Variants in LRRFIP2 observed in about 807,000 individuals in gnomAD.
LRRFIP2 encodes the protein leucine-rich repeat flightless-interacting protein 2.
LRRFIP2 carries 109 observed loss-of-function variants against 125.9 expected under a neutral mutation model. The observed-to-expected ratio is 0.87, with a 90% CI of 0.74 to 1.01. The LOEUF (loss-of-function observed/expected upper bound fraction) is 1.01, where lower values mean the gene tolerates loss of function less well. Ranked by LOEUF, LRRFIP2 falls within the 50% of genes least tolerant of loss-of-function variation. The pLI is 0.00. For synonymous variants in LRRFIP2, 291 were observed against 293.1 expected, an observed-to-expected ratio of 0.99 and a Z score of 0.07; for missense variants, 850 against 862.3, an observed-to-expected ratio of 0.99 and a Z score of 0.18.
chr3:37,054,787 G>T (rs978105566), intron 26 of LRRFIP2, among the ~76,000 whole-genome samples: 9 of 152,210 alleles, frequency 5.9e-5, no homozygotes, highest in African/African-American at 1.9e-4. Flanking sequence ...AGCAATATAG[G>T]AAGAGACACT....
At chr3:37,054,337 C>T (rs1483506609) in intron 27 of LRRFIP2, 74 bp downstream of exon 27, 1 of 1,241,528 alleles carries the variant, frequency 8.1e-7, no homozygotes, top group South Asian at 1.3e-5. Flanking sequence ...ATTTCTTACA[C>T]AGCTAAGAAT....
At chr3:37,126,943 C>T (rs2095299177) in intron 4 of LRRFIP2, among the ~76,000 whole-genome samples, 1 of 151,538 alleles carries the variant, frequency 6.6e-6, no homozygotes, top group South Asian at 2.1e-4. Context: ...TTAGGAATTA[C>T]AGACTACTTT....
intron 14 of LRRFIP2, among the ~76,000 whole-genome samples, chr3:37,103,241 A>C (rs986046779): frequency 6.6e-6 from 1 of 152,186 alleles, no homozygotes; most frequent in African/African-American, 2.4e-5. Context: ...ACTCATCTTA[A>C]CTAGAGTCCT....
At chr3:37,096,705 T>C (rs1323654925) in intron 15 of LRRFIP2, 45 bp from the exon 16 acceptor site, 2 of 1,169,654 alleles carry the variant, frequency 1.7e-6, no homozygotes. Flanking sequence ...GCTTAGCAAG[T>C]TGACTTTTTT....
At chr3:37,120,823 A>G (rs2094998108) in intron 6 of LRRFIP2, among the ~76,000 whole-genome samples, 1 of 152,254 alleles carries the variant, frequency 6.6e-6, no homozygotes, top group African/African-American at 2.4e-5. Context: ...GAAAAAAAGA[A>G]AGTATACATA....
intron 8 of LRRFIP2, among the ~76,000 whole-genome samples, chr3:37,112,334 C>CAAA (rs1408342199): frequency 3.6e-4 from 26 of 73,014 alleles, no homozygotes; most frequent in African/African-American, 1.2e-3. Flanking sequence ...GACTCCATCT[C>CAAA]AAAAAAAGAA....
At chr3:37,083,844 T>G (rs1576301721) in intron 18 of LRRFIP2, 38 bp from the exon 19 acceptor site, 4 of 1,479,712 alleles carry the variant, frequency 2.7e-6, no homozygotes, top group Non-Finnish European at 3.7e-6. Context: ...ATATCTAAAA[T>G]GTTAATTGAA....
At chr3:37,084,453 G>C (rs942656194) in intron 18 of LRRFIP2, among the ~76,000 whole-genome samples, 1 of 151,940 alleles carries the variant, frequency 6.6e-6, no homozygotes, top group African/African-American at 2.4e-5. Flanking sequence ...CTTGAGCCCA[G>C]GAGCTCAAGA....
chr3:37,115,932 C>G (rs1295479180), intron 6 of LRRFIP2, among the ~76,000 whole-genome samples: 4 of 152,072 alleles, frequency 2.6e-5, no homozygotes, highest in African/African-American at 9.7e-5. Flanking sequence ...AAGTCATATA[C>G]AAAACAAATA....
intron 24 of LRRFIP2, among the ~76,000 whole-genome samples, chr3:37,063,241 C>T (rs550752856): frequency 1.3e-5 from 2 of 152,274 alleles, no homozygotes; most frequent in South Asian, 4.1e-4. Flanking sequence ...ATGACACAAG[C>T]AGGCTGGAAT....
chr3:37,108,654 G>A lies in LRRFIP2; in HGVS notation c.640C>T (p.Pro214Ser), dbSNP rs897048252. 2.5e-6 allele frequency: 4 copies of A among 1,610,022 alleles called. No individual in the cohort carries two copies. Among genetic ancestry groups the A allele is most frequent in the Non-Finnish European group, 2.5e-6 (3 of 1,176,676 alleles). Residue 214 changes from proline (P) to serine (S), a missense_variant, in exon 12 of 28, where the codon CCT becomes TCT. By Grantham distance (74) the Pro-to-Ser change is moderately conservative (BLOSUM62 -1). Coordinates refer to ENST00000336686, the MANE Select transcript of LRRFIP2 (RefSeq NM_006309.4). ...AGACTTACAGTTCGAGGACCATAAG[G>A]GTTATATAATCCACCATTGTACAAT... is the stretch of plus-strand genomic sequence containing the variant. Reference protein sequence around the residue: ...ASLYNGGLYNPYGPRTPSECS... With the variant: ...ASLYNGGLYNSYGPRTPSECS...
At chr3:37,119,952 G>A (rs967376200) in intron 6 of LRRFIP2, among the ~76,000 whole-genome samples, 16 of 151,948 alleles carry the variant, frequency 1.1e-4, no homozygotes, top group Admixed American at 2.0e-4. Flanking sequence ...GTGAGCCACC[G>A]CTCCCGGCCT....
chr3:37,139,688 C>T lies in LRRFIP2; in HGVS notation c.90+9206G>A, dbSNP rs190699891. On this transcript the variant is annotated intron_variant, in intron 2 of 27. Transcript: ENST00000336686. ...ATACACACCCTCCATTTTATGATGT[C>T]CTCCCCAGGACTTTGTCCCAACTAT... Among the ~76,000 whole-genome samples the T allele has an allele frequency of 2.7e-4, 41 of 152,252 alleles. No homozygotes were observed. The South Asian group carries it at 2.9e-3, about 11-fold the overall frequency.
chr3:37,168,129 T>TA (rs1383671851), intron 1 of LRRFIP2, among the ~76,000 whole-genome samples: 3 of 152,218 alleles, frequency 2.0e-5, no homozygotes, highest in African/African-American at 7.2e-5. Context: ...ATATTAAGCA[T>TA]AGAATTACCA....
chr3:37,151,185 C>A (rs2096011883), intron 1 of LRRFIP2, among the ~76,000 whole-genome samples: 1 of 152,006 alleles, frequency 6.6e-6, no homozygotes, highest in African/African-American at 2.4e-5. Context: ...ATGGCGAAAC[C>A]CCATCTCTAC....
At chr3:37,091,112 A>C (rs759051437) in intron 18 of LRRFIP2, among the ~76,000 whole-genome samples, 1 of 152,176 alleles carries the variant, frequency 6.6e-6, no homozygotes, top group Non-Finnish European at 1.5e-5. Context: ...GAGGTGGCTC[A>C]TGCCTGTAAT....
intron 4 of LRRFIP2, 72 bp from the exon 5 acceptor site, chr3:37,121,763 G>C (rs915601060): frequency 6.8e-7 from 1 of 1,469,986 alleles, no homozygotes; most frequent in Non-Finnish European, 9.5e-7. Context: ...ACTGAGCAAA[G>C]AGCAGTCAGT....
chr3:37,091,302 A>G (rs1576411281), intron 18 of LRRFIP2, among the ~76,000 whole-genome samples, 165 bp downstream of exon 18: 1 of 152,238 alleles, frequency 6.6e-6, no homozygotes, highest in East Asian at 1.9e-4. Context: ...ACATAAGCAG[A>G]GATTGAAAGT....
intron 15 of LRRFIP2, among the ~76,000 whole-genome samples, chr3:37,101,897 C>T (rs992491650): frequency 1.3e-5 from 2 of 152,112 alleles, no homozygotes; most frequent in African/African-American, 4.8e-5. Flanking sequence ...AGACAAATGC[C>T]CCAAGGACAA....
Sources: gnomAD v4.1 joint callset for allele counts (sites outside exome capture counted in the v4.1 genomes callset) on GRCh38, gnomAD v4.1.1 for gene constraint, MANE v1.5 for transcripts, NCBI Gene and HGNC (gene_info 2026-07-23, HGNC 2026-07-21) for gene names.